Variants in ACTR3C observed in about 807,000 individuals in gnomAD.
ACTR3C encodes actin related protein 3C, also known as actin-related protein 3C.
A neutral mutation model predicts 26.3 loss-of-function variants in ACTR3C; 18 were observed. That is an observed-to-expected ratio of 0.68 (90% CI 0.47 to 1.01). ACTR3C has a LOEUF of 1.01. Among genes scored for constraint, ACTR3C ranks in the 50% least tolerant of loss-of-function variants. The pLI, the probability that ACTR3C is intolerant of heterozygous loss-of-function variation, is 0.00. For synonymous variants in ACTR3C, 55 were observed against 94.5 expected (o/e 0.58, Z 2.42); for missense variants, 184 against 250.7 (o/e 0.73, Z 1.80).
chr7:150,145,083 T>G, the ACTR3C span, among the ~76,000 whole-genome samples: 1 of 150,990 alleles, frequency 6.6e-6, no homozygotes, highest in Non-Finnish European at 1.5e-5. Flanking sequence ...CCCCCTTTCC[T>G]ATTTTTCACT....
the ACTR3C span, among the ~76,000 whole-genome samples, chr7:150,041,912 G>GC: frequency 4.2e-3 from 15 of 3,562 alleles, 1 homozygote; most frequent in African/African-American, 0.017. Flanking sequence ...CTCAGAGCCA[G>GC]GGGGGGAAGA....
the ACTR3C span, among the ~76,000 whole-genome samples, chr7:150,058,023 C>A: frequency 6.6e-6 from 1 of 152,222 alleles, no homozygotes; most frequent in Non-Finnish European, 1.5e-5. Flanking sequence ...CTAGCCCATA[C>A]CTTGTCCCAG....
At chr7:149,929,425 C>CAAAA in the ACTR3C span, among the ~76,000 whole-genome samples, 445 of 48,518 alleles carry the variant, frequency 9.2e-3, 21 homozygotes, top group Middle Eastern at 0.026. Context: ...AAGATTCTGT[C>CAAAA]AAAAAAAAAA....
chr7:150,291,834 A>T (rs1836290768), intron 3 of ACTR3C, among the ~76,000 whole-genome samples: 1 of 151,848 alleles, frequency 6.6e-6, no homozygotes, highest in African/African-American at 2.4e-5. Flanking sequence ...ATCCACCGAA[A>T]GGAGTGCTGA....
chr7:150,033,848 G>A, the ACTR3C span, among the ~76,000 whole-genome samples: 5 of 130,678 alleles, frequency 3.8e-5, no homozygotes, highest in East Asian at 2.5e-4. Context: ...GGGTGCCTCC[G>A]CCCCCAGCGA....
intron 1 of ACTR3C, among the ~76,000 whole-genome samples, chr7:150,299,314 C>G (rs1438703334): frequency 1.6e-4 from 24 of 150,698 alleles, no homozygotes; most frequent in Admixed American, 5.9e-4. Context: ...GGTGTGGTAG[C>G]CGGGTGTGTG....
chr7:150,186,697 A>G, the ACTR3C span, among the ~76,000 whole-genome samples: 4 of 152,146 alleles, frequency 2.6e-5, no homozygotes, highest in Non-Finnish European at 5.9e-5. Context: ...TTATCCCATC[A>G]TTGTGTGTGT....
the ACTR3C span, among the ~76,000 whole-genome samples, chr7:149,977,261 T>C: frequency 3.3e-5 from 5 of 152,184 alleles, no homozygotes; most frequent in African/African-American, 1.2e-4. Context: ...CAGAGATGAC[T>C]TCAAGGTGGC....
chr7:149,893,654 T>C, the ACTR3C span, among the ~76,000 whole-genome samples: 1 of 152,200 alleles, frequency 6.6e-6, no homozygotes, highest in Non-Finnish European at 1.5e-5. Context: ...TAAATTAACA[T>C]TTTACTCCAC....
At chr7:149,975,310 G>A in the ACTR3C span, among the ~76,000 whole-genome samples, 1 of 152,048 alleles carries the variant, frequency 6.6e-6, no homozygotes, top group Admixed American at 6.5e-5. Flanking sequence ...AAGTATTAAG[G>A]AGGAAACCAC....
At chr7:150,251,783 G>C (rs1450497922) in intron 6 of ACTR3C, among the ~76,000 whole-genome samples, 1 of 151,922 alleles carries the variant, frequency 6.6e-6, no homozygotes, top group Non-Finnish European at 1.5e-5. Context: ...ATATTACTAA[G>C]ATATAAAAGC....
chr7:150,063,424 G>A, the ACTR3C span, among the ~76,000 whole-genome samples: 1 of 151,336 alleles, frequency 6.6e-6, no homozygotes, highest in South Asian at 2.1e-4. Flanking sequence ...TAAGTTCATA[G>A]AATATAAACC....
chr7:149,895,229 G>A, the ACTR3C span, among the ~76,000 whole-genome samples: 1 of 151,678 alleles, frequency 6.6e-6, no homozygotes, highest in African/African-American at 2.4e-5. Flanking sequence ...GGTGGTTACA[G>A]GGGGCTGAGG....
At chr7:150,189,412 T>C in the ACTR3C span, among the ~76,000 whole-genome samples, 1 of 152,050 alleles carries the variant, frequency 6.6e-6, no homozygotes, top group African/African-American at 2.4e-5. Context: ...CACGTTAAGT[T>C]ACATAGATTA....
the ACTR3C span, among the ~76,000 whole-genome samples, chr7:150,172,879 C>T: frequency 6.6e-6 from 1 of 150,472 alleles, no homozygotes; most frequent in Non-Finnish European, 1.5e-5. Context: ...TTTAGGGCTC[C>T]AAAATGATCT....
the ACTR3C span, chr7:150,004,671 C>G: frequency 2.6e-5 from 4 of 152,220 alleles, no homozygotes; most frequent in Non-Finnish European, 5.9e-5. Flanking sequence ...CTATCCCCAG[C>G]AGGACACACT....
At chr7:150,135,144 C>T in the ACTR3C span, among the ~76,000 whole-genome samples, 26 of 152,282 alleles carry the variant, frequency 1.7e-4, no homozygotes, top group East Asian at 3.9e-3. Flanking sequence ...TGGTGGTGGG[C>T]GCCTGTAGTC....
chr7:150,253,623 C>T (rs1833000117), intron 6 of ACTR3C, among the ~76,000 whole-genome samples: 1 of 151,836 alleles, frequency 6.6e-6, no homozygotes, highest in Admixed American at 6.5e-5. Flanking sequence ...CTGGAAATTA[C>T]CAAATACCAA....
the ACTR3C span, among the ~76,000 whole-genome samples, chr7:150,133,204 G>A: frequency 5.3e-5 from 8 of 152,130 alleles, no homozygotes; most frequent in South Asian, 6.2e-4. Flanking sequence ...TAGGTTGGAC[G>A]CGAGCTTTGT....
Sources: gnomAD v4.1 joint callset for allele counts (sites outside exome capture counted in the v4.1 genomes callset) on GRCh38, gnomAD v4.1.1 for gene constraint, MANE v1.5 for transcripts, NCBI Gene and HGNC (gene_info 2026-07-23, HGNC 2026-07-21) for gene names.